CSGALNACT1: variants seen among roughly 807,000 people sequenced by gnomAD.
The protein encoded by CSGALNACT1 is chondroitin sulfate N-acetylgalactosaminyltransferase 1.
CSGALNACT1 carries 52 observed loss-of-function variants against 51.0 expected under a neutral mutation model. The ratio of observed to expected loss-of-function variants is 1.02; its 90% CI spans 0.82 to 1.29. CSGALNACT1 has a LOEUF of 1.29. Among genes scored for constraint, CSGALNACT1 ranks in the 50% most tolerant of loss-of-function variants. The probability of loss-of-function intolerance (pLI) is 0.00; values close to 1 mark genes in which losing one functional copy is unlikely to be tolerated. For synonymous variants in CSGALNACT1, 341 were observed against 254.4 expected (o/e 1.34, Z -3.24); for missense variants, 935 against 679.2 (o/e 1.38, Z -4.19).
chr8:19,590,115 G>C (rs925370880), intron 3 of CSGALNACT1, among the ~76,000 whole-genome samples: 1 of 152,144 alleles, frequency 6.6e-6, no homozygotes, highest in Non-Finnish European at 1.5e-5. Context: ...GTTTGGTGAC[G>C]TTGTCATCTC....
chr8:19,602,932 C>G (rs1028084872), upstream of CSGALNACT1, among the ~76,000 whole-genome samples: 1 of 151,390 alleles, frequency 6.6e-6, no homozygotes, highest in African/African-American at 2.4e-5. Flanking sequence ...CTTTATTATT[C>G]GAATAACAGC....
chr8:19,645,829 TC>T (rs1181709123), intron 1 of CSGALNACT1, among the ~76,000 whole-genome samples: 12 of 151,922 alleles, frequency 7.9e-5, no homozygotes, highest in Non-Finnish European at 1.2e-4. Flanking sequence ...ACCCACTGGT[TC>T]CCCCAGGGCA....
upstream of CSGALNACT1, chr8:19,683,196 G>A (rs546936934): frequency 6.5e-6 from 1 of 154,792 alleles, no homozygotes; most frequent in African/African-American, 2.4e-5. Context: ...GCTTTTCCAC[G>A]ATGTGTAAAA....
At chr8:19,542,381 G>A (rs1286307449) in intron 3 of CSGALNACT1, among the ~76,000 whole-genome samples, 1 of 152,182 alleles carries the variant, frequency 6.6e-6, no homozygotes, top group Non-Finnish European at 1.5e-5. Flanking sequence ...ACAGAAGACT[G>A]GAACAGTATT....
intron 1 of CSGALNACT1, among the ~76,000 whole-genome samples, chr8:19,689,786 A>C (rs2061185982): frequency 6.6e-6 from 1 of 152,258 alleles, no homozygotes; most frequent in Non-Finnish European, 1.5e-5. Flanking sequence ...ATGCTAGTTA[A>C]ATCCCCAAAC....
chr8:19,420,829 A>G (rs1389380440), intron 6 of CSGALNACT1, among the ~76,000 whole-genome samples: 1 of 150,982 alleles, frequency 6.6e-6, no homozygotes, highest in African/African-American at 2.5e-5. Context: ...TGAACCAGGT[A>G]AGACTAGAAA....
At chr8:19,619,746 C>T (rs979418636) in intron 1 of CSGALNACT1, among the ~76,000 whole-genome samples, 1 of 152,218 alleles carries the variant, frequency 6.6e-6, no homozygotes, top group African/African-American at 2.4e-5. Flanking sequence ...GTCCTGTCCT[C>T]AGACTTTGAG....
chr8:19,542,169 G>C (rs1292292492), intron 3 of CSGALNACT1, among the ~76,000 whole-genome samples: 2 of 146,302 alleles, frequency 1.4e-5, no homozygotes, highest in African/African-American at 2.6e-5. Flanking sequence ...TTCATTCCAA[G>C]TACTAAAGAA....
intron 6 of CSGALNACT1, among the ~76,000 whole-genome samples, chr8:19,427,555 G>A (rs1363670281): frequency 3.9e-5 from 6 of 152,090 alleles, no homozygotes; most frequent in African/African-American, 9.7e-5. Flanking sequence ...TTGGGAGGCC[G>A]AGGCGGGCGG....
chr8:19,650,085 T>C (rs2057663312), intron 1 of CSGALNACT1, among the ~76,000 whole-genome samples: 2 of 152,144 alleles, frequency 1.3e-5, no homozygotes, highest in Admixed American at 1.3e-4. Context: ...TCACCAACAA[T>C]CTTGTTAAAA....
At chr8:19,509,425 G>C (rs548601740) in intron 3 of CSGALNACT1, among the ~76,000 whole-genome samples, 41 of 152,014 alleles carry the variant, frequency 2.7e-4, no homozygotes, top group African/African-American at 9.6e-4. Flanking sequence ...TTCAAGACCA[G>C]CCGGCCAACA....
intron 5 of CSGALNACT1, among the ~76,000 whole-genome samples, chr8:19,443,020 C>T (rs185086721): frequency 2.0e-5 from 3 of 152,294 alleles, no homozygotes; most frequent in Admixed American, 6.5e-5. Flanking sequence ...CTCTAACGAT[C>T]CCAGGCACCG....
rs1325683202 is a variant in CSGALNACT1 at position 19,757,296 on chromosome 8, C to T, written c.-297+554G>A. 1.3e-5 allele frequency: 2 copies of T among 150,450 alleles called. No individual in the cohort carries two copies. Among genetic ancestry groups the T allele is most frequent in the Non-Finnish European group, 3.0e-5 (2 of 67,110 alleles). The allele number at this position is 150,450 out of a possible 1,614,324, so 9.3% of individuals were successfully genotyped here. A position where few individuals can be genotyped will look rare whatever the true frequency, so the allele number is the denominator to read the frequency against. ...CGGCTCCACCTCCCGCTCCGGCAGC[C>T]GCGGAGCCTCCAGGGACCCCGGGGG... On this transcript the variant is annotated intron_variant, in intron 1 of 1. Transcript: ENST00000517494. The surrounding 1 kb of genome is among the most constrained non-coding windows in gnomAD (Gnocchi z 4.0).
intron 4 of CSGALNACT1, among the ~76,000 whole-genome samples, chr8:19,496,022 A>C (rs1010478069): frequency 6.6e-6 from 1 of 152,218 alleles, no homozygotes; most frequent in Non-Finnish European, 1.5e-5. Context: ...AAAGTTCGGA[A>C]AATAATGACC....
intron 3 of CSGALNACT1, among the ~76,000 whole-genome samples, chr8:19,589,255 A>C (rs1408073907): frequency 6.6e-6 from 1 of 152,212 alleles, no homozygotes; most frequent in Non-Finnish European, 1.5e-5. Flanking sequence ...TAGGTAAAGC[A>C]GGCAGCTTCT....
intron 1 of CSGALNACT1, among the ~76,000 whole-genome samples, chr8:19,636,091 G>A (rs183859188): frequency 1.4e-4 from 21 of 152,220 alleles, no homozygotes; most frequent in South Asian, 8.3e-4. Flanking sequence ...ACTATATGCC[G>A]TAGTCCCGCT....
chr8:19,486,093 G>A (rs1334078454), intron 4 of CSGALNACT1, among the ~76,000 whole-genome samples: 1 of 150,628 alleles, frequency 6.6e-6, no homozygotes, highest in Non-Finnish European at 1.5e-5. Context: ...AGAAAAATAT[G>A]TAAATACTAA....
At chr8:19,689,416 C>G (rs563359093) in intron 1 of CSGALNACT1, among the ~76,000 whole-genome samples, 30 of 152,282 alleles carry the variant, frequency 2.0e-4, no homozygotes, top group Non-Finnish European at 3.5e-4. Context: ...CTGAACGGTC[C>G]CAGCTGACAC....
intron 3 of CSGALNACT1, among the ~76,000 whole-genome samples, chr8:19,589,378 T>C (rs999215056): frequency 6.6e-6 from 1 of 152,204 alleles, no homozygotes; most frequent in Non-Finnish European, 1.5e-5. Flanking sequence ...CAGGCTGGAG[T>C]GCACTGGCAC....
Sources: allele counts gnomAD v4.1 joint callset (sites outside exome capture counted in the v4.1 genomes callset), GRCh38; gene constraint gnomAD v4.1.1; non-coding constraint Gnocchi (gnomAD v3.1); transcripts MANE v1.5; gene names NCBI Gene and HGNC (gene_info 2026-07-23, HGNC 2026-07-21).